FBXO4: variants seen among roughly 807,000 people sequenced by gnomAD.
FBXO4 encodes F-box only protein 4.
A neutral mutation model predicts 43.7 loss-of-function variants in FBXO4; 36 were observed. The ratio of observed to expected loss-of-function variants is 0.82; its 90% CI spans 0.63 to 1.09. The LOEUF (loss-of-function observed/expected upper bound fraction) is 1.09. FBXO4 is among the 50% of genes least tolerant of loss of function. FBXO4 has a pLI of 0.00. For missense variants in FBXO4, 435 were observed against 474.1 expected (o/e 0.92, Z 0.77); for synonymous variants, 180 against 165.6 (o/e 1.09, Z -0.67).
At chr5:41,937,016 C>T (rs1751868303) in intron 5 of FBXO4, among the ~76,000 whole-genome samples, 1 of 151,818 alleles carries the variant, frequency 6.6e-6, no homozygotes. Flanking sequence ...GAAAAATTGA[C>T]CCACAGAATG....
downstream of FBXO4, among the ~76,000 whole-genome samples, chr5:41,946,006 C>A (rs1055246342): frequency 1.3e-5 from 2 of 152,154 alleles, no homozygotes; most frequent in South Asian, 2.1e-4. Flanking sequence ...TGTTATGTTA[C>A]AGAATTACTT....
intron 5 of FBXO4, chr5:41,934,584 C>G: frequency 2.3e-6 from 3 of 1,326,536 alleles, no homozygotes; most frequent in Non-Finnish European, 2.9e-6. Flanking sequence ...TCTGTTTTTT[C>G]CAAGCACCCA....
chr5:42,002,132 T>G, the FBXO4 span, among the ~76,000 whole-genome samples: 2 of 152,156 alleles, frequency 1.3e-5, no homozygotes, highest in Non-Finnish European at 2.9e-5. Context: ...GTCTTTAGGG[T>G]TTTCTACATA....
chr5:41,930,427 C>T (rs189306238), intron 3 of FBXO4, among the ~76,000 whole-genome samples: 1 of 152,114 alleles, frequency 6.6e-6, no homozygotes, highest in Non-Finnish European at 1.5e-5. Flanking sequence ...GATAGGGATG[C>T]AGATTTAGAA....
At chr5:42,011,705 A>G in the FBXO4 span, among the ~76,000 whole-genome samples, 1 of 152,194 alleles carries the variant, frequency 6.6e-6, no homozygotes, top group Non-Finnish European at 1.5e-5. Flanking sequence ...TTCCTAATAA[A>G]CTGTGGTGGC....
At chr5:41,937,125 C>T (rs1471870871) in intron 5 of FBXO4, among the ~76,000 whole-genome samples, 1 of 151,954 alleles carries the variant, frequency 6.6e-6, no homozygotes, top group East Asian at 1.9e-4. Flanking sequence ...AGATAATGGC[C>T]AGAATTATCT....
At chr5:41,945,862 A>T (rs532793881), downstream of FBXO4, among the ~76,000 whole-genome samples, 1 of 152,274 alleles carries the variant, frequency 6.6e-6, no homozygotes, top group African/African-American at 2.4e-5. Flanking sequence ...TGCAACTGTT[A>T]CTGCTGATTA....
At chr5:41,963,589 T>C in the FBXO4 span, among the ~76,000 whole-genome samples, 2 of 152,322 alleles carry the variant, frequency 1.3e-5, no homozygotes, top group African/African-American at 4.8e-5. Context: ...TCTTGTATTC[T>C]TACAATTAAA....
At chr5:42,024,257 C>T in the FBXO4 span, among the ~76,000 whole-genome samples, 3 of 151,966 alleles carry the variant, frequency 2.0e-5, no homozygotes, top group Non-Finnish European at 4.4e-5. Context: ...TTTATAAGCT[C>T]ATTCAAGACA....
the FBXO4 span, among the ~76,000 whole-genome samples, chr5:42,017,165 T>C: frequency 6.6e-6 from 1 of 151,966 alleles, no homozygotes; most frequent in African/African-American, 2.4e-5. Flanking sequence ...GTCATCATAC[T>C]AAGAATAAAT....
rs1450221375 is a variant in FBXO4 at position 41,927,010 on chromosome 5, C to G, written c.190-3C>G. 6.4e-7 allele frequency: 1 copy of G among 1,561,574 alleles called. No individual in the cohort carries two copies. The highest frequency in any genetic ancestry group is 8.7e-7 in the Non-Finnish European group (1 of 1,152,916). ...TCCTACCTGCTGCTTTCTTCTGTTT[C>G]AGATTGATGTACAGCTATATATTTT... On this transcript the variant is annotated splice_region_variant and splice_polypyrimidine_tract_variant and intron_variant, in intron 1 of 6. Coordinates refer to ENST00000281623, the MANE Select transcript of FBXO4 (RefSeq NM_012176.3).
intron 3 of FBXO4, chr5:41,930,145 G>A (rs2112571894): frequency 2.1e-6 from 1 of 465,248 alleles, no homozygotes; most frequent in Non-Finnish European, 3.8e-6. Context: ...AAGATTATGT[G>A]AAAATAAATT....
the FBXO4 span, among the ~76,000 whole-genome samples, chr5:41,993,066 G>GAAA: frequency 6.6e-6 from 1 of 152,018 alleles, no homozygotes; most frequent in Non-Finnish European, 1.5e-5. Flanking sequence ...CTTTTTAATA[G>GAAA]ACTGAAGTAT....
chr5:41,972,795 C>G, the FBXO4 span, among the ~76,000 whole-genome samples: 6 of 152,162 alleles, frequency 3.9e-5, no homozygotes, highest in East Asian at 1.2e-3. Context: ...ATCTGATCCT[C>G]AACAAAACTG....
intron 3 of FBXO4, 125 bp downstream of exon 3, chr5:41,930,042 A>G (rs1751634578): frequency 2.7e-6 from 2 of 743,732 alleles, no homozygotes; most frequent in South Asian, 3.9e-5. Context: ...GGTTGTTGGG[A>G]GCCCTACCAG....
rs1752009443 is a variant in FBXO4 at position 41,941,740 on chromosome 5, A to G, written c.*459A>G. The G allele has an allele frequency of 6.5e-6, 1 of 153,404 alleles. No homozygotes were observed. Among genetic ancestry groups the G allele is most frequent in the South Asian group, 2.0e-4 (1 of 4,924 alleles). The allele number at this position is 153,404 out of a possible 1,614,324, so 9.5% of individuals were successfully genotyped here. ...AATAAATACACTGCTTAAAGACTGA[A>G]AAATGTACTGGAATTGCATTTAATA... is the stretch of plus-strand genomic sequence containing the variant. On this transcript the variant is annotated 3_prime_UTR_variant, in exon 7 of 7. Coordinates refer to ENST00000281623, the MANE Select transcript of FBXO4 (RefSeq NM_012176.3).
the FBXO4 span, among the ~76,000 whole-genome samples, chr5:41,968,969 C>T: frequency 6.6e-6 from 1 of 152,076 alleles, no homozygotes; most frequent in Non-Finnish European, 1.5e-5. Context: ...ATTTTTAAAG[C>T]GTGTTATTTA....
intron 3 of FBXO4, 34 bp from the exon 4 acceptor site, chr5:41,933,912 G>GA: frequency 6.5e-7 from 1 of 1,547,372 alleles, no homozygotes; most frequent in Non-Finnish European, 8.8e-7. Context: ...TTTTATTAAT[G>GA]ATTTGTTTTG....
intron 2 of FBXO4, among the ~76,000 whole-genome samples, chr5:41,928,166 C>T (rs1359284654): frequency 6.6e-6 from 1 of 152,036 alleles, no homozygotes; most frequent in East Asian, 1.9e-4. Context: ...TCAGCAAGTG[C>T]TGCTGTATCT....
Sources: gnomAD v4.1 joint callset for allele counts (sites outside exome capture counted in the v4.1 genomes callset) on GRCh38, gnomAD v4.1.1 for gene constraint, MANE v1.5 for transcripts, NCBI Gene and HGNC (gene_info 2026-07-23, HGNC 2026-07-21) for gene names.